B3GALNT2: variants seen among roughly 807,000 people sequenced by gnomAD.
B3GALNT2 encodes beta-1,3-N-acetylgalactosaminyltransferase 2.
A neutral mutation model predicts 61.1 loss-of-function variants in B3GALNT2; 53 were observed. The observed-to-expected ratio is 0.87, with a 90% CI of 0.70 to 1.09. The LOEUF (loss-of-function observed/expected upper bound fraction) is 1.09, where lower values mean the gene tolerates loss of function less well. B3GALNT2 is among the 50% of genes least tolerant of loss of function. B3GALNT2 has a pLI of 0.00. For synonymous variants in B3GALNT2, 223 were observed against 237.4 expected (o/e 0.94, Z 0.56); for missense variants, 544 against 623.0 (o/e 0.87, Z 1.35).
Position 235,484,376 on chromosome 1 carries a change from A to G in B3GALNT2, c.501T>C (p.Asn167=), listed in dbSNP as rs1684699534. 6.2e-7 allele frequency: 1 copy of G among 1,614,056 alleles called. No homozygotes were observed. Among genetic ancestry groups the G allele is most frequent in the African/African-American group, 1.3e-5 (1 of 74,924 alleles). ...ITSLGVFYDA[N]DVGFQRNITV... ...TGATGTTCCTCTGGAAACCCACATCATTGGCATCGTAGAACACTCCAAGAC... is the reference window on the plus strand; with the variant it reads ...TGATGTTCCTCTGGAAACCCACATCGTTGGCATCGTAGAACACTCCAAGAC... Residue 167 remains asparagine, a synonymous_variant, in exon 4 of 12, where the codon AAT becomes AAC. Coordinates refer to ENST00000366600, the MANE Select transcript of B3GALNT2 (RefSeq NM_152490.5).
At chr1:235,466,060 T>C (rs1327230469) in intron 6 of B3GALNT2, among the ~76,000 whole-genome samples, 1 of 152,178 alleles carries the variant, frequency 6.6e-6, no homozygotes, top group Admixed American at 6.5e-5. Context: ...TTACGACCTT[T>C]GATTTTTTGG....
At chr1:235,491,643 C>A (rs925325325) in intron 2 of B3GALNT2, among the ~76,000 whole-genome samples, 2 of 152,122 alleles carry the variant, frequency 1.3e-5, no homozygotes, top group Non-Finnish European at 2.9e-5. Flanking sequence ...GCCTCCTCCT[C>A]CATTTTCTAC....
intron 4 of B3GALNT2, among the ~76,000 whole-genome samples, chr1:235,480,505 C>G (rs1314899753): frequency 6.6e-6 from 1 of 152,002 alleles, no homozygotes; most frequent in Non-Finnish European, 1.5e-5. Context: ...AGGGTTAAAA[C>G]TAAACTGAAA....
chr1:235,475,918 T>C (rs1317911366), intron 5 of B3GALNT2, among the ~76,000 whole-genome samples: 1 of 151,910 alleles, frequency 6.6e-6, no homozygotes, highest in Non-Finnish European at 1.5e-5. Context: ...CTCAAACTCA[T>C]GGGCTCAATG....
chr1:235,467,288 G>A (rs1198846498), intron 6 of B3GALNT2, among the ~76,000 whole-genome samples: 1 of 152,038 alleles, frequency 6.6e-6, no homozygotes, highest in Non-Finnish European at 1.5e-5. Context: ...GAAGGAGATT[G>A]CAGTGAGCCA....
chr1:235,471,082 C>T, intron 5 of B3GALNT2, 122 bp from the exon 6 acceptor site: 1 of 1,478,154 alleles, frequency 6.8e-7, no homozygotes, highest in Non-Finnish European at 9.0e-7. Context: ...AAAATTTTCA[C>T]CCCATAACTC....
chr1:235,481,263 T>C (rs1432466653), intron 4 of B3GALNT2, among the ~76,000 whole-genome samples: 1 of 152,236 alleles, frequency 6.6e-6, no homozygotes, highest in African/African-American at 2.4e-5. Context: ...GTTAAAAATA[T>C]GGCAACTAGA....
Position 235,448,379 on chromosome 1 carries a change from T to C in B3GALNT2, c.*1827A>G, listed in dbSNP as rs377304748. 2.5e-6 allele frequency: 4 copies of C among 1,614,190 alleles called. No individual in the cohort carries two copies. Among genetic ancestry groups the C allele is most frequent in the Middle Eastern group, 1.6e-4 (1 of 6,062 alleles). On this transcript the variant is annotated 3_prime_UTR_variant, in exon 12 of 12. Transcript: ENST00000366600. ...ATGACAATTCAAAAGGTGAAGGGATTGCTGTCACGTCTTCTCAAAGTTCCT... is the reference window on the plus strand; with the variant it reads ...ATGACAATTCAAAAGGTGAAGGGATCGCTGTCACGTCTTCTCAAAGTTCCT...
Position 235,449,216 on chromosome 1 carries a change from T to TAACA in B3GALNT2, c.*986_*989dup, listed in dbSNP as rs1682737561. On this transcript the variant is annotated 3_prime_UTR_variant, in exon 12 of 12. Transcript: ENST00000366600. ...TTGGGGAGACATCCTCTACTATGTA[T>TAACA]AACAATATGCTATTATCTGTCTTCT... The TAACA allele has an allele frequency of 4.6e-6, 1 of 215,946 alleles. No individual in the cohort carries two copies. Among genetic ancestry groups the TAACA allele is most frequent in the African/African-American group, 2.4e-5 (1 of 42,520 alleles). The allele number at this position is 215,946 out of a possible 1,614,324, so 13.4% of individuals were successfully genotyped here.
chr1:235,485,912 T>C lies in B3GALNT2; in HGVS notation c.362-1397A>G, dbSNP rs150298934. Reference sequence around the variant, plus strand: ...ATAGAAATTCTAAGCCTGGGCAACATGGTGAAACTCTGTCTCTACGATACA... The same window carrying C: ...ATAGAAATTCTAAGCCTGGGCAACACGGTGAAACTCTGTCTCTACGATACA... On this transcript the variant is annotated intron_variant, in intron 3 of 11. Transcript: ENST00000366600. Among the ~76,000 whole-genome samples, 6 of 152,120 alleles carry C rather than the reference T, an allele frequency of 3.9e-5. No individual in the cohort carries two copies. The East Asian group carries it at 5.8e-4, about 15-fold the overall frequency.
chr1:235,471,544 G>A (rs1262967025), intron 5 of B3GALNT2, among the ~76,000 whole-genome samples: 2 of 152,126 alleles, frequency 1.3e-5, no homozygotes, highest in Non-Finnish European at 2.9e-5. Context: ...AATTTATAGG[G>A]TTATCAGCAA....
At chr1:235,496,401 TAA>T (rs1685324618) in intron 1 of B3GALNT2, 2 of 767,210 alleles carry the variant, frequency 2.6e-6, no homozygotes, top group Admixed American at 5.7e-5. Flanking sequence ...AATTCTTTTA[TAA>T]AGACAATTTA....
chr1:235,450,341 C>G lies in B3GALNT2; in HGVS notation c.1369-1G>C, dbSNP rs1205769722. ...TCTTCTCACACAGCCACAGACTGTC[C>G]TGTTGAGAAACAACCAAAGCCGATC... On this transcript the variant is annotated splice_acceptor_variant, in intron 11 of 11. Transcript: ENST00000366600. LOFTEE classifies it high-confidence loss of function. 9.9e-6 allele frequency: 16 copies of G among 1,613,792 alleles called. No homozygotes were observed. Among genetic ancestry groups the G allele is most frequent in the Non-Finnish European group, 1.3e-5 (15 of 1,179,852 alleles).
intron 3 of B3GALNT2, among the ~76,000 whole-genome samples, chr1:235,488,506 AC>A (rs1159890452): frequency 6.6e-6 from 1 of 151,532 alleles, no homozygotes; most frequent in Non-Finnish European, 1.5e-5. Context: ...ACACAGTGAA[AC>A]CCCATCTCTA....
intron 7 of B3GALNT2, among the ~76,000 whole-genome samples, chr1:235,462,212 A>T (rs1170292987): frequency 6.6e-6 from 1 of 152,248 alleles, no homozygotes; most frequent in East Asian, 1.9e-4. Context: ...AATGGCTTGT[A>T]ACAACAGGAG....
intron 5 of B3GALNT2, among the ~76,000 whole-genome samples, chr1:235,471,579 T>G (rs1407769228): frequency 6.6e-6 from 1 of 152,254 alleles, no homozygotes; most frequent in Non-Finnish European, 1.5e-5. Context: ...AACTGCACTG[T>G]ATTCTCCCTG....
chr1:235,504,430 C>T lies in B3GALNT2; in HGVS notation c.-178G>A. The T allele has an allele frequency of 3.2e-6, 2 of 631,824 alleles. No individual in the cohort carries two copies. Among genetic ancestry groups the T allele is most frequent in the South Asian group, 5.5e-5 (2 of 36,436 alleles). 39.1% of individuals were successfully genotyped at this position (631,824 alleles called of 1,614,324 possible). On this transcript the variant is annotated 5_prime_UTR_variant, in exon 1 of 12. Coordinates refer to ENST00000366600, the MANE Select transcript of B3GALNT2 (RefSeq NM_152490.5). The stretch of plus-strand genomic sequence containing the variant: ...TCCCGGCCCCGCTCCTCCGGTCCCT[C>T]AGACCGCGGGTGGCCGCGGCTTAGC...
In B3GALNT2 at chr1:235,494,889, T is replaced by C. The variant is rs911770978; in HGVS notation, c.113-61A>G. On this transcript the variant is annotated intron_variant, in intron 1 of 11. Coordinates refer to ENST00000366600, the MANE Select transcript of B3GALNT2 (RefSeq NM_152490.5). The stretch of plus-strand genomic sequence containing the variant: ...GTATCAATTACTATGAAGTTCAATA[T>C]GTATCATAAGTTTATTACAAAATAA... 2.9e-6 allele frequency: 4 copies of C among 1,398,480 alleles called. No individual in the cohort carries two copies. In the African/African-American group the frequency reaches 5.9e-5, roughly 21 times the overall value. The allele number at this position is 1,398,480 out of a possible 1,614,324, so 86.6% of individuals were successfully genotyped here.
chr1:235,475,659 G>T (rs1321386537), intron 5 of B3GALNT2, among the ~76,000 whole-genome samples: 2 of 152,044 alleles, frequency 1.3e-5, no homozygotes, highest in Non-Finnish European at 2.9e-5. Flanking sequence ...ATAGAATTTT[G>T]TACAACAGGA....
Sources: gnomAD v4.1 joint callset for allele counts (sites outside exome capture counted in the v4.1 genomes callset) on GRCh38, gnomAD v4.1.1 for gene constraint, MANE v1.5 for transcripts, NCBI Gene and HGNC (gene_info 2026-07-23, HGNC 2026-07-21) for gene names.